The following GNG12 variants were observed in gnomAD, a reference collection of about 807,000 sequenced individuals.
The protein encoded by GNG12 is G protein subunit gamma 12, also known as guanine nucleotide-binding protein G(I)/G(S)/G(O) subunit gamma-12.
For missense variants in GNG12, 69 were observed against 83.8 expected (o/e 0.82, Z 0.69); for synonymous variants, 28 against 29.7 (o/e 0.94, Z 0.19).
chr1:67,806,737 T>C (rs1435134183), intron 1 of GNG12, among the ~76,000 whole-genome samples: 1 of 152,138 alleles, frequency 6.6e-6, no homozygotes, highest in Non-Finnish European at 1.5e-5. Context: ...AACATAACAA[T>C]ATTTGTCATG....
chr1:67,796,372 G>A (rs1246288506), intron 1 of GNG12, among the ~76,000 whole-genome samples: 1 of 152,026 alleles, frequency 6.6e-6, no homozygotes, highest in African/African-American at 2.4e-5. Context: ...TCTGCTTGAG[G>A]CCTGCATTTC....
chr1:67,752,573 G>A (rs1459110565), intron 2 of GNG12, among the ~76,000 whole-genome samples: 1 of 152,122 alleles, frequency 6.6e-6, no homozygotes, highest in Non-Finnish European at 1.5e-5. Flanking sequence ...AGCACTCATG[G>A]CAGCTATCAC....
intron 1 of GNG12, among the ~76,000 whole-genome samples, chr1:67,794,673 T>C (rs1646819782): frequency 6.6e-6 from 1 of 152,242 alleles, no homozygotes; most frequent in Non-Finnish European, 1.5e-5. Flanking sequence ...TCTTGATATA[T>C]ATAAGATGAC....
intron 1 of GNG12, among the ~76,000 whole-genome samples, chr1:67,822,923 G>C (rs776467547): frequency 2.6e-5 from 4 of 152,118 alleles, no homozygotes; most frequent in Non-Finnish European, 5.9e-5. Flanking sequence ...CCCAAGAGCT[G>C]ACTGAAAGAG....
chr1:67,711,806 T>C (rs1250328873), intron 2 of GNG12, among the ~76,000 whole-genome samples: 1 of 152,234 alleles, frequency 6.6e-6, no homozygotes, highest in Non-Finnish European at 1.5e-5. Context: ...TGTTATATTT[T>C]GGGTGGCATT....
chr1:67,708,529 A>C (rs1230371054), intron 2 of GNG12, among the ~76,000 whole-genome samples: 2 of 152,180 alleles, frequency 1.3e-5, no homozygotes, highest in African/African-American at 4.8e-5. Flanking sequence ...GTTGGCCTCT[A>C]GGCTGCCCTG....
intron 2 of GNG12, among the ~76,000 whole-genome samples, chr1:67,731,733 T>G (rs1646421333): frequency 6.6e-6 from 1 of 152,226 alleles, no homozygotes; most frequent in Non-Finnish European, 1.5e-5. Context: ...AAGCGGGGCA[T>G]GATATGATCA....
intron 1 of GNG12, among the ~76,000 whole-genome samples, chr1:67,810,516 C>T (rs1938439): frequency 0.33 from 50,831 of 152,034 alleles, 8,801 homozygotes; most frequent in Middle Eastern, 0.5. Context: ...AGTGGGTATA[C>T]AGGAACTCTC....
chr1:67,728,725 G>A (rs1646401462), intron 2 of GNG12, among the ~76,000 whole-genome samples: 1 of 152,132 alleles, frequency 6.6e-6, no homozygotes, highest in South Asian at 2.1e-4. Flanking sequence ...GGCAGGGCAG[G>A]ACAGCTTTCT....
intron 2 of GNG12, among the ~76,000 whole-genome samples, chr1:67,723,831 C>T (rs1477080804): frequency 6.6e-6 from 1 of 152,214 alleles, no homozygotes; most frequent in Non-Finnish European, 1.5e-5. Flanking sequence ...AAAAGAAAAA[C>T]ACCTAGTAAT....
chr1:67,761,517 A>C (rs1469512251), intron 2 of GNG12, among the ~76,000 whole-genome samples: 1 of 152,156 alleles, frequency 6.6e-6, no homozygotes, highest in Admixed American at 6.5e-5. Flanking sequence ...TGGTTCAATG[A>C]TGAGTTACTG....
chr1:67,713,038 G>A (rs1646305319), intron 2 of GNG12, among the ~76,000 whole-genome samples: 1 of 152,128 alleles, frequency 6.6e-6, no homozygotes, highest in Non-Finnish European at 1.5e-5. Flanking sequence ...CCACTATGTG[G>A]TTCTTAATCA....
intron 2 of GNG12, among the ~76,000 whole-genome samples, chr1:67,765,605 C>A (rs1033396506): frequency 2.6e-5 from 4 of 151,954 alleles, no homozygotes; most frequent in Non-Finnish European, 5.9e-5. Context: ...TTGTATATTT[C>A]AACCCTTATT....
chr1:67,745,546 C>T (rs1646503142), intron 2 of GNG12, among the ~76,000 whole-genome samples: 1 of 152,148 alleles, frequency 6.6e-6, no homozygotes, highest in South Asian at 2.1e-4. Context: ...GACAAAACTG[C>T]TTTATTTCTT....
At chr1:67,748,981 TAA>T (rs55634934) in intron 2 of GNG12, among the ~76,000 whole-genome samples, 31 of 146,520 alleles carry the variant, frequency 2.1e-4, no homozygotes, top group Middle Eastern at 3.4e-3. Context: ...AAACTCTCCT[TAA>T]AAAAAAAAAA....
chr1:67,802,396 G>A (rs893651097), intron 1 of GNG12, among the ~76,000 whole-genome samples: 2 of 152,034 alleles, frequency 1.3e-5, no homozygotes, highest in East Asian at 1.9e-4. Flanking sequence ...AACCCTTGTC[G>A]GCCAGGCACA....
chr1:67,818,149 T>C (rs1401327551), intron 1 of GNG12, among the ~76,000 whole-genome samples: 1 of 142,562 alleles, frequency 7.0e-6, no homozygotes. Context: ...GACAGACTGG[T>C]AGGAATTTAC....
chr1:67,822,770 T>C (rs1175383936), intron 1 of GNG12, among the ~76,000 whole-genome samples: 3 of 152,126 alleles, frequency 2.0e-5, no homozygotes, highest in Non-Finnish European at 4.4e-5. Context: ...TAGGCTAACT[T>C]TATACTCAAA....
At chr1:67,803,233 G>C (rs1646876628) in intron 1 of GNG12, among the ~76,000 whole-genome samples, 1 of 152,114 alleles carries the variant, frequency 6.6e-6, no homozygotes, top group Admixed American at 6.5e-5. Flanking sequence ...AAGTTAGTTG[G>C]TTGGGCACAG....
Sources: gnomAD v4.1 joint callset for allele counts (sites outside exome capture counted in the v4.1 genomes callset) on GRCh38, gnomAD v4.1.1 for gene constraint, MANE v1.5 for transcripts, NCBI Gene and HGNC (gene_info 2026-07-23, HGNC 2026-07-21) for gene names.